The following EPHA3 variants were observed in gnomAD, a reference collection of about 807,000 sequenced individuals.
EPHA3 encodes ephrin type-A receptor 3.
Under a neutral mutation model 107.1 loss-of-function variants are expected in EPHA3, and 42 were observed. That is an observed-to-expected ratio of 0.39 (90% CI 0.31 to 0.51). The LOEUF (loss-of-function observed/expected upper bound fraction) is 0.51. Ranked by LOEUF, EPHA3 falls within the 20% of genes least tolerant of loss-of-function variation. The probability of loss-of-function intolerance (pLI) is 0.78; values close to 1 mark genes in which losing one functional copy is unlikely to be tolerated. For synonymous variants in EPHA3, 461 were observed against 424.8 expected, an observed-to-expected ratio of 1.09 and a Z score of -1.05; for missense variants, 1,183 against 1,211.2, an observed-to-expected ratio of 0.98 and a Z score of 0.35.
At chr3:89,329,070 A>G (rs988282420) in intron 3 of EPHA3, among the ~76,000 whole-genome samples, 2 of 152,130 alleles carry the variant, frequency 1.3e-5, no homozygotes, top group Non-Finnish European at 2.9e-5. Context: ...AAAAGGACAC[A>G]ATTATCCTGA....
At chr3:89,416,325 G>T (rs555116342) in intron 10 of EPHA3, among the ~76,000 whole-genome samples, 18 of 151,458 alleles carry the variant, frequency 1.2e-4, no homozygotes, top group Middle Eastern at 3.4e-3. Context: ...GAAATGACAA[G>T]ATCTGAATTT....
At chr3:89,192,477 G>GTATACATATTTGGTACAT (rs958544401) in intron 2 of EPHA3, among the ~76,000 whole-genome samples, 1 of 151,746 alleles carries the variant, frequency 6.6e-6, no homozygotes, top group Non-Finnish European at 1.5e-5. Context: ...CATACACTAA[G>GTATACATATTTGGTACAT]AAATATTTTA....
At chr3:89,163,539 T>A (rs1226934064) in intron 2 of EPHA3, among the ~76,000 whole-genome samples, 1 of 152,168 alleles carries the variant, frequency 6.6e-6, no homozygotes, top group Non-Finnish European at 1.5e-5. Flanking sequence ...GATATAAAAA[T>A]AATGTGTAGA....
At chr3:89,454,044 T>A (rs1347236812) in intron 15 of EPHA3, among the ~76,000 whole-genome samples, 1 of 152,094 alleles carries the variant, frequency 6.6e-6, no homozygotes, top group Non-Finnish European at 1.5e-5. Flanking sequence ...ATTATCTTAT[T>A]CTTATCACCA....
chr3:89,311,177 C>G (rs75029719), intron 3 of EPHA3, among the ~76,000 whole-genome samples: 3 of 151,964 alleles, frequency 2.0e-5, no homozygotes, highest in African/African-American at 4.8e-5. Context: ...TATGATGCCC[C>G]TCCCTATGTT....
intron 2 of EPHA3, among the ~76,000 whole-genome samples, chr3:89,137,622 C>A (rs1704343669): frequency 6.6e-6 from 1 of 151,576 alleles, no homozygotes; most frequent in Non-Finnish European, 1.5e-5. Flanking sequence ...TACTTTTTTT[C>A]CTACATATGA....
intron 5 of EPHA3, among the ~76,000 whole-genome samples, chr3:89,395,034 T>G (rs1708819891): frequency 6.6e-6 from 1 of 152,240 alleles, no homozygotes; most frequent in Non-Finnish European, 1.5e-5. Flanking sequence ...CAGTTAGAAA[T>G]GAATTTGACC....
At chr3:89,201,025 C>T (rs567880331) in intron 2 of EPHA3, among the ~76,000 whole-genome samples, 43 of 152,234 alleles carry the variant, frequency 2.8e-4, no homozygotes, top group African/African-American at 1.0e-3. Context: ...AAAAACACTA[C>T]CTAAGACTGG....
intron 5 of EPHA3, among the ~76,000 whole-genome samples, chr3:89,360,992 T>C (rs111773122): frequency 1.3e-5 from 2 of 151,252 alleles, no homozygotes; most frequent in African/African-American, 4.8e-5. Flanking sequence ...CTAGTGAACA[T>C]GTGCCCTTAA....
chr3:89,166,479 T>C (rs1272623897), intron 2 of EPHA3, among the ~76,000 whole-genome samples: 1 of 152,190 alleles, frequency 6.6e-6, no homozygotes, highest in Admixed American at 6.5e-5. Context: ...AATAATTGTT[T>C]TTTTCTGATT....
chr3:89,453,541 C>T (rs1710037123), intron 15 of EPHA3, among the ~76,000 whole-genome samples: 1 of 152,024 alleles, frequency 6.6e-6, no homozygotes, highest in Admixed American at 6.6e-5. Context: ...TCTCAATGTA[C>T]AGAATATAAA....
intron 2 of EPHA3, among the ~76,000 whole-genome samples, chr3:89,162,371 C>T (rs1444974241): frequency 1.3e-5 from 2 of 152,080 alleles, no homozygotes; most frequent in Non-Finnish European, 2.9e-5. Flanking sequence ...TCTATTTCAG[C>T]CATTGTGAAT....
intron 13 of EPHA3, among the ~76,000 whole-genome samples, chr3:89,443,979 G>C (rs1180602815): frequency 6.6e-6 from 1 of 152,072 alleles, no homozygotes; most frequent in South Asian, 2.1e-4. Context: ...CTCACAGGGG[G>C]AATTCAATTA....
chr3:89,419,542 CAGT>C lies in EPHA3; in HGVS notation c.2074+155_2074+157del, dbSNP rs2107527115. On this transcript the variant is annotated intron_variant, in intron 11 of 16. Coordinates refer to ENST00000336596, the MANE Select transcript of EPHA3 (RefSeq NM_005233.6). ...TTAGGAATAGCATGCCTTTCTTTGA[CAGT>C]AGAGCAGACCTTTAAATAATATTCT... 6.5e-6 allele frequency: 4 copies of C among 610,944 alleles called. No individual in the cohort carries two copies. In the South Asian group the frequency reaches 1.0e-4, roughly 16 times the overall value. 37.8% of individuals were successfully genotyped at this position (610,944 alleles called of 1,614,324 possible).
At chr3:89,396,421 A>T (rs1485284831) in intron 6 of EPHA3, among the ~76,000 whole-genome samples, 1 of 152,104 alleles carries the variant, frequency 6.6e-6, no homozygotes, top group Non-Finnish European at 1.5e-5. Flanking sequence ...TGATGAAAAG[A>T]TTTTCTTGAC....
At chr3:89,362,460 G>A (rs74646544) in intron 5 of EPHA3, among the ~76,000 whole-genome samples, 2,279 of 151,100 alleles carry the variant, frequency 0.015, 65 homozygotes, top group African/African-American at 0.052. Context: ...TTTACTTTCT[G>A]TATTTCTTTA....
intron 2 of EPHA3, among the ~76,000 whole-genome samples, chr3:89,130,675 C>T (rs1704187379): frequency 6.6e-6 from 1 of 150,428 alleles, no homozygotes; most frequent in African/African-American, 2.4e-5. Flanking sequence ...CGCTCTGTCA[C>T]CCAGGCTGGA....
At chr3:89,318,540 A>G (rs1449379632) in intron 3 of EPHA3, among the ~76,000 whole-genome samples, 1 of 152,004 alleles carries the variant, frequency 6.6e-6, no homozygotes, top group Non-Finnish European at 1.5e-5. Context: ...TCATTTGCAC[A>G]TAATAATCCA....
At chr3:89,342,844 CTTA>C (rs1271353001) in intron 5 of EPHA3, among the ~76,000 whole-genome samples, 1 of 146,992 alleles carries the variant, frequency 6.8e-6, no homozygotes, top group African/African-American at 2.6e-5. Context: ...ATATTATTGT[CTTA>C]TTTTTACACA....
Sources: gnomAD v4.1 joint callset for allele counts (sites outside exome capture counted in the v4.1 genomes callset) on GRCh38, gnomAD v4.1.1 for gene constraint, MANE v1.5 for transcripts, NCBI Gene and HGNC (gene_info 2026-07-23, HGNC 2026-07-21) for gene names.